SPAG16: variants seen among roughly 807,000 people sequenced by gnomAD.
SPAG16 encodes sperm associated antigen 16, also known as sperm-associated antigen 16 protein.
SPAG16 carries 86 observed loss-of-function variants against 80.4 expected under a neutral mutation model. The observed-to-expected ratio is 1.07, with a 90% CI of 0.90 to 1.28. The LOEUF is 1.28. SPAG16 is among the 50% of genes most tolerant of loss of function. The pLI is 0.00. For missense variants in SPAG16, 870 were observed against 765.3 expected, an observed-to-expected ratio of 1.14 and a Z score of -1.61; for synonymous variants, 294 against 265.9, an observed-to-expected ratio of 1.11 and a Z score of -1.03.
At chr2:213,349,361 C>T (rs2065197784) in intron 6 of SPAG16, among the ~76,000 whole-genome samples, 2 of 151,874 alleles carry the variant, frequency 1.3e-5, no homozygotes, top group Non-Finnish European at 2.9e-5. Flanking sequence ...AACAAAAAAT[C>T]AACAAAGTCA....
At chr2:214,271,731 C>T (rs1258349740) in intron 15 of SPAG16, among the ~76,000 whole-genome samples, 6 of 151,702 alleles carry the variant, frequency 4.0e-5, no homozygotes, top group Non-Finnish European at 8.8e-5. Flanking sequence ...ACCTGGGAGG[C>T]GGAGATTGCA....
intron 10 of SPAG16, among the ~76,000 whole-genome samples, chr2:213,564,494 TA>T (rs77022819): frequency 0.022 from 2,695 of 121,282 alleles, 42 homozygotes; most frequent in African/African-American, 0.058. Flanking sequence ...GACTCTGTCT[TA>T]AAAAAAAAAA....
At chr2:213,469,505 T>C (rs1017393768) in intron 9 of SPAG16, among the ~76,000 whole-genome samples, 1 of 152,068 alleles carries the variant, frequency 6.6e-6, no homozygotes, top group Non-Finnish European at 1.5e-5. Flanking sequence ...ATAGCTGGTA[T>C]TGATGACTAC....
intron 10 of SPAG16, among the ~76,000 whole-genome samples, chr2:213,645,321 C>T (rs2062780773): frequency 6.6e-6 from 1 of 151,834 alleles, no homozygotes; most frequent in African/African-American, 2.4e-5. Flanking sequence ...TTAGGGACCC[C>T]AAGAGTCTGC....
intron 9 of SPAG16, among the ~76,000 whole-genome samples, chr2:213,421,458 C>T (rs1007367491): frequency 7.2e-5 from 11 of 152,202 alleles, no homozygotes; most frequent in African/African-American, 2.7e-4. Flanking sequence ...CTGTGGATGA[C>T]ATGTAGATGG....
intron 15 of SPAG16, among the ~76,000 whole-genome samples, chr2:214,162,289 T>C (rs2056470927): frequency 6.6e-6 from 1 of 152,134 alleles, no homozygotes; most frequent in Non-Finnish European, 1.5e-5. Flanking sequence ...CAATCACATT[T>C]AAATCTTTTT....
chr2:213,811,813 C>T (rs762900655), intron 10 of SPAG16, among the ~76,000 whole-genome samples: 44 of 151,992 alleles, frequency 2.9e-4, no homozygotes, highest in South Asian at 6.2e-4. Context: ...ATTGCTGAGA[C>T]AGATAGCTTT....
At chr2:213,574,367 C>G (rs919360113) in intron 10 of SPAG16, among the ~76,000 whole-genome samples, 2 of 151,976 alleles carry the variant, frequency 1.3e-5, no homozygotes, top group African/African-American at 2.4e-5. Context: ...GAGTAGAGGA[C>G]AAAGCCAAAT....
intron 9 of SPAG16, among the ~76,000 whole-genome samples, chr2:213,397,076 A>G (rs148233045): frequency 1.4e-4 from 21 of 152,294 alleles, no homozygotes; most frequent in African/African-American, 4.8e-4. Flanking sequence ...CCCTGCATCC[A>G]TTGAGGTTCT....
chr2:213,888,017 T>G (rs868670668), intron 11 of SPAG16, among the ~76,000 whole-genome samples: 85 of 151,946 alleles, frequency 5.6e-4, no homozygotes, highest in African/African-American at 1.8e-3. Flanking sequence ...TGAGCATATA[T>G]TATTTATTTT....
intron 13 of SPAG16, among the ~76,000 whole-genome samples, chr2:214,032,388 T>G (rs1249722632): frequency 6.6e-6 from 1 of 152,226 alleles, no homozygotes; most frequent in East Asian, 1.9e-4. Flanking sequence ...ATGGTGAATC[T>G]GTTGCTGTTT....
intron 10 of SPAG16, among the ~76,000 whole-genome samples, chr2:213,715,704 C>T (rs1033625063): frequency 2.0e-5 from 3 of 152,184 alleles, no homozygotes; most frequent in Non-Finnish European, 4.4e-5. Flanking sequence ...ATCTACCTGA[C>T]ATTAGTTGTA....
chr2:213,626,288 AACAAGAGATGG>A (rs1469251209), intron 10 of SPAG16, among the ~76,000 whole-genome samples: 10 of 152,186 alleles, frequency 6.6e-5, no homozygotes, highest in Non-Finnish European at 1.0e-4. Flanking sequence ...AAGCAAAGAT[AACAAGAGATGG>A]ACATCAAGGA....
chr2:213,767,655 T>TCACACACA (rs3220937), intron 10 of SPAG16, among the ~76,000 whole-genome samples: 2,319 of 147,760 alleles, frequency 0.016, 39 homozygotes, highest in African/African-American at 0.037. Flanking sequence ...ACAACATACT[T>TCACACACA]CACACACACA....
intron 10 of SPAG16, among the ~76,000 whole-genome samples, chr2:213,743,301 C>G (rs2067669339): frequency 6.6e-6 from 1 of 152,118 alleles, no homozygotes; most frequent in African/African-American, 2.4e-5. Flanking sequence ...GGATTTTTTC[C>G]TAGTGCTTAG....
At chr2:214,404,643 T>C (rs1224854100) in intron 15 of SPAG16, among the ~76,000 whole-genome samples, 2 of 152,112 alleles carry the variant, frequency 1.3e-5, no homozygotes, top group Non-Finnish European at 2.9e-5. Context: ...CAGTTGGAAA[T>C]ATTAATAAAT....
chr2:214,212,608 G>C (rs953590453), intron 15 of SPAG16, among the ~76,000 whole-genome samples: 1 of 152,014 alleles, frequency 6.6e-6, no homozygotes, highest in African/African-American at 2.4e-5. Context: ...CCATTGATTG[G>C]ATAAAGTCAG....
At chr2:213,843,871 G>T (rs1271604395) in intron 10 of SPAG16, among the ~76,000 whole-genome samples, 3 of 151,906 alleles carry the variant, frequency 2.0e-5, no homozygotes, top group African/African-American at 4.8e-5. Flanking sequence ...CAAACAAAAA[G>T]AACCCCTTCT....
intron 10 of SPAG16, among the ~76,000 whole-genome samples, chr2:213,716,983 CT>C (rs1424457834): frequency 6.6e-6 from 1 of 151,632 alleles, no homozygotes; most frequent in African/African-American, 2.4e-5. Context: ...ATTTTTTTTC[CT>C]GATAAAATTG....
Sources: allele counts gnomAD v4.1 joint callset (sites outside exome capture counted in the v4.1 genomes callset), GRCh38; gene constraint gnomAD v4.1.1; transcripts MANE v1.5; gene names NCBI Gene and HGNC (gene_info 2026-07-23, HGNC 2026-07-21).